C9orf85: variants seen among roughly 807,000 people sequenced by gnomAD.
The protein encoded by C9orf85 is chromosome 9 open reading frame 85.
C9orf85 carries 16 observed loss-of-function variants against 14.9 expected under a neutral mutation model. That is an observed-to-expected ratio of 1.08 (90% CI 0.73 to 1.63). C9orf85 has a LOEUF of 1.63. C9orf85 is among the 40% of genes most tolerant of loss of function. The probability of loss-of-function intolerance (pLI) is 0.00; values close to 1 mark genes in which losing one functional copy is unlikely to be tolerated. For missense variants in C9orf85, 172 were observed against 186.1 expected (o/e 0.92, Z 0.44); for synonymous variants, 45 against 56.8 (o/e 0.79, Z 0.93).
chr9:71,960,436 G>C (rs961967566), intron 2 of C9orf85, among the ~76,000 whole-genome samples: 9 of 152,092 alleles, frequency 5.9e-5, no homozygotes, highest in Admixed American at 3.9e-4. Context: ...AGTCTATTTT[G>C]AATATACATT....
intron 1 of C9orf85, among the ~76,000 whole-genome samples, chr9:71,925,628 C>CA (rs759435346): frequency 6.6e-4 from 101 of 152,044 alleles, no homozygotes; most frequent in South Asian, 1.0e-3. Flanking sequence ...TATAGGGAGG[C>CA]AAAATTCGAA....
intron 1 of C9orf85, 88 bp from the exon 2 acceptor site, chr9:71,946,918 A>G: frequency 1.3e-6 from 1 of 790,778 alleles, no homozygotes; most frequent in East Asian, 2.7e-5. Flanking sequence ...TTATATTTTA[A>G]AACTTACATC....
intron 2 of C9orf85, among the ~76,000 whole-genome samples, chr9:71,947,747 G>A (rs942077815): frequency 1.9e-4 from 29 of 151,926 alleles, no homozygotes; most frequent in Middle Eastern, 3.4e-3. Flanking sequence ...AGGTTTAAGC[G>A]ATTCTCCTGC....
At chr9:71,926,996 G>C (rs1827944933) in intron 1 of C9orf85, among the ~76,000 whole-genome samples, 1 of 151,958 alleles carries the variant, frequency 6.6e-6, no homozygotes, top group Non-Finnish European at 1.5e-5. Flanking sequence ...TAGGATTATT[G>C]TGGGAAAAAG....
intron 1 of C9orf85, among the ~76,000 whole-genome samples, chr9:71,923,331 ATCTCAAAGC>A (rs768784324): frequency 2.2e-4 from 34 of 152,190 alleles, no homozygotes; most frequent in Admixed American, 2.6e-4. Flanking sequence ...CAATGGCATG[ATCTCAAAGC>A]TCACTGCAAC....
intron 1 of C9orf85, among the ~76,000 whole-genome samples, chr9:71,917,961 T>A (rs1371367843): frequency 6.6e-6 from 1 of 152,166 alleles, no homozygotes; most frequent in African/African-American, 2.4e-5. Flanking sequence ...GGCAGGCAGA[T>A]CACTTGAGGT....
At chr9:71,927,528 A>T (rs1172097561) in intron 1 of C9orf85, among the ~76,000 whole-genome samples, 1 of 152,196 alleles carries the variant, frequency 6.6e-6, no homozygotes, top group African/African-American at 2.4e-5. Context: ...CAAGCTAACG[A>T]TCTTGTCTTG....
chr9:71,946,861 T>C (rs1822102844), intron 1 of C9orf85, 145 bp from the exon 2 acceptor site: 2 of 497,806 alleles, frequency 4.0e-6, no homozygotes, highest in Admixed American at 7.2e-5. Context: ...GTAATATACA[T>C]AAAAATACAT....
At chr9:71,969,200 G>A (rs1177656187) in intron 2 of C9orf85, among the ~76,000 whole-genome samples, 1 of 152,190 alleles carries the variant, frequency 6.6e-6, no homozygotes, top group African/African-American at 2.4e-5. Flanking sequence ...CCAGGCTGGA[G>A]TGCAGTGGCG....
chr9:71,973,983 A>G (rs1461694974), downstream of C9orf85, among the ~76,000 whole-genome samples: 1 of 151,086 alleles, frequency 6.6e-6, no homozygotes, highest in Non-Finnish European at 1.5e-5. Context: ...CTGGAGTGCA[A>G]TGGCGCAATC....
intron 1 of C9orf85, among the ~76,000 whole-genome samples, chr9:71,913,398 A>G (rs1827566757): frequency 6.6e-6 from 1 of 152,238 alleles, no homozygotes; most frequent in East Asian, 1.9e-4. Context: ...TGATATGGGC[A>G]AAAAGAAAGC....
rs372706730 is a variant in C9orf85 at position 71,911,836 on chromosome 9, G to T, written c.102G>T (p.Lys34Asn). The T allele has an allele frequency of 9.3e-6, 15 of 1,613,480 alleles. No individual in the cohort carries two copies. Among genetic ancestry groups the T allele is most frequent in the Non-Finnish European group, 1.3e-5 (15 of 1,179,544 alleles). The part of the protein sequence containing the change: ...NDKFDKSVQT[K>N]KINAKLHDGV... Reference sequence around the variant, plus strand: ...AGTTCGATAAAAGTGTGCAGACCAAGGTAGGAACCTGCCTGTTGCACCGTC... The same window carrying T: ...AGTTCGATAAAAGTGTGCAGACCAATGTAGGAACCTGCCTGTTGCACCGTC... Residue 34 changes from lysine to asparagine, a missense_variant and splice_region_variant, in exon 1 of 4, where the codon AAG becomes AAT. Transcript: ENST00000334731.
intron 2 of C9orf85, among the ~76,000 whole-genome samples, chr9:71,963,857 C>T (rs1028460326): frequency 3.3e-5 from 5 of 152,204 alleles, no homozygotes; most frequent in African/African-American, 1.2e-4. Flanking sequence ...TGAGCCTCCC[C>T]TACCAGCGCC....
rs766802302 is a variant in C9orf85, at chr9:71,932,197, TCAGTTTGTACACACTCAGTTTGTA to T, written c.103-14786_103-14763del. ...GTAGCTTTCCAAGGAGCACACACAC[TCAGTTTGTACACACTCAGTTTGTA>T]CAGTTTGTACACACTCAGTTTGCCT... On this transcript the variant is annotated intron_variant, in intron 1 of 3. Transcript: ENST00000334731. Among the ~76,000 whole-genome samples, 9 of 152,068 alleles carry T rather than the reference TCAGTTTGTACACACTCAGTTTGTA, an allele frequency of 5.9e-5. 1 individual carries two copies. The highest frequency in any genetic ancestry group is 3.9e-4 in the East Asian group (2 of 5,184).
chr9:71,963,785 G>T (rs939479237), intron 2 of C9orf85, among the ~76,000 whole-genome samples: 3 of 152,232 alleles, frequency 2.0e-5, no homozygotes, highest in African/African-American at 7.2e-5. Flanking sequence ...GCGGGGCAGA[G>T]CTCGGGACCT....
Position 71,947,052 on chromosome 9 carries a change from A to C in C9orf85, c.149A>C (p.Glu50Ala), listed in dbSNP as rs1029594818. Residue 50 changes from glutamate to alanine, a missense_variant, in exon 2 of 4, where the codon GAA (glutamate) becomes GCA (alanine). Coordinates refer to ENST00000334731, the MANE Select transcript of C9orf85 (RefSeq NM_182505.5). The stretch of plus-strand genomic sequence containing the variant: ...GATGGAGTATGTCAGCGCTGTAAAG[A>C]AGTTCTTGAGTGGCGTGTAAAATAC... ...LHDGVCQRCK[E>A]VLEWRVKYSK... The C allele has an allele frequency of 1.3e-5, 21 of 1,613,484 alleles. No homozygotes were observed. Among genetic ancestry groups the C allele is most frequent in the African/African-American group, 6.7e-5 (5 of 74,892 alleles).
downstream of C9orf85, among the ~76,000 whole-genome samples, chr9:71,977,452 AAAG>A (rs1293612320): frequency 2.0e-5 from 3 of 152,240 alleles, no homozygotes; most frequent in Admixed American, 6.5e-5. Flanking sequence ...ACATTCTGCA[AAAG>A]AAGAATTGAT....
chr9:71,928,825 A>T lies in C9orf85; in HGVS notation c.102+16989A>T, dbSNP rs1297410809. Among the ~76,000 whole-genome samples the T allele has an allele frequency of 2.6e-5, 4 of 152,238 alleles. No homozygotes were observed. In the South Asian group the frequency reaches 6.2e-4, roughly 24 times the overall value. ...TAGTATTTTATTACAGGTAATTTGC[A>T]TTCTTCATTAAGAATATATATTAAT... On this transcript the variant is annotated intron_variant, in intron 1 of 3. Transcript: ENST00000334731.
intron 2 of C9orf85, among the ~76,000 whole-genome samples, chr9:71,961,392 C>T (rs1006618210): frequency 3.9e-5 from 6 of 151,994 alleles, no homozygotes; most frequent in African/African-American, 1.4e-4. Context: ...GAAACCCTGT[C>T]TCTACTAAAA....
Sources: gnomAD v4.1 joint callset for allele counts (sites outside exome capture counted in the v4.1 genomes callset) on GRCh38, gnomAD v4.1.1 for gene constraint, MANE v1.5 for transcripts, NCBI Gene and HGNC (gene_info 2026-07-23, HGNC 2026-07-21) for gene names.